LIN7A: variants seen among roughly 807,000 people sequenced by gnomAD.
The protein encoded by LIN7A is protein lin-7 homolog A.
LIN7A carries 25 observed loss-of-function variants against 29.8 expected under a neutral mutation model. That is an observed-to-expected ratio of 0.84 (90% CI 0.61 to 1.17). LIN7A has a LOEUF of 1.17. Among genes scored for constraint, LIN7A ranks in the 50% most tolerant of loss-of-function variants. The pLI, the probability that LIN7A is intolerant of heterozygous loss-of-function variation, is 0.00. For synonymous variants in LIN7A, 118 were observed against 107.5 expected, an observed-to-expected ratio of 1.10 and a Z score of -0.60; for missense variants, 239 against 287.0, an observed-to-expected ratio of 0.83 and a Z score of 1.21.
At chr12:80,799,179 A>T (rs922796516) in intron 5 of LIN7A, among the ~76,000 whole-genome samples, 1 of 152,216 alleles carries the variant, frequency 6.6e-6, no homozygotes, top group Non-Finnish European at 1.5e-5. Flanking sequence ...TGGGCATTCA[A>T]CATGTGGGCC....
intron 4 of LIN7A, among the ~76,000 whole-genome samples, chr12:80,819,891 C>G (rs575093669): frequency 4.1e-4 from 62 of 152,324 alleles, no homozygotes; most frequent in Non-Finnish European, 7.6e-4. Context: ...CAGACAACAA[C>G]AGCAACAAAA....
intron 1 of LIN7A, among the ~76,000 whole-genome samples, chr12:80,902,143 C>T (rs1876245576): frequency 6.6e-6 from 1 of 151,088 alleles, no homozygotes; most frequent in Non-Finnish European, 1.5e-5. Flanking sequence ...TTTTGCCAGC[C>T]TTTTTGAAGA....
At chr12:80,876,130 CAG>C (rs2120538131) in intron 2 of LIN7A, among the ~76,000 whole-genome samples, 1 of 151,342 alleles carries the variant, frequency 6.6e-6, no homozygotes, top group East Asian at 1.9e-4. Context: ...GAGAGAGTGA[CAG>C]AAACAAATTG....
At chr12:80,929,698 A>G (rs1376258516) in intron 1 of LIN7A, among the ~76,000 whole-genome samples, 1 of 152,034 alleles carries the variant, frequency 6.6e-6, no homozygotes, top group Non-Finnish European at 1.5e-5. Context: ...AAGTGCCAAT[A>G]TCTCATTCTT....
chr12:80,840,094 C>T (rs1328140114), intron 4 of LIN7A, among the ~76,000 whole-genome samples: 2 of 152,034 alleles, frequency 1.3e-5, no homozygotes, highest in African/African-American at 4.8e-5. Context: ...TCCTCACCTG[C>T]CTCTCTCCCA....
intron 1 of LIN7A, among the ~76,000 whole-genome samples, chr12:80,905,053 G>A (rs1876403721): frequency 6.6e-6 from 1 of 152,034 alleles, no homozygotes; most frequent in African/African-American, 2.4e-5. Context: ...CTGTGTGTGT[G>A]TGTGTCTTTT....
At chr12:80,876,517 C>T (rs1258888434) in intron 2 of LIN7A, among the ~76,000 whole-genome samples, 1 of 151,870 alleles carries the variant, frequency 6.6e-6, no homozygotes, top group Admixed American at 6.6e-5. Flanking sequence ...TATAAACCAC[C>T]CCAAAAAAAC....
At chr12:80,924,738 A>G (rs569359846) in intron 1 of LIN7A, among the ~76,000 whole-genome samples, 14 of 152,300 alleles carry the variant, frequency 9.2e-5, no homozygotes, top group Non-Finnish European at 1.6e-4. Flanking sequence ...TCTTGGTTAT[A>G]TTTACCCCAG....
chr12:80,807,066 T>TTTTTTTTGTTTTTTTTTTTTTG (rs1565883739), intron 5 of LIN7A, among the ~76,000 whole-genome samples: 1 of 50,140 alleles, frequency 2.0e-5, no homozygotes, highest in Admixed American at 2.2e-4. Context: ...AGATGGAGTT[T>TTTTTTTTGTTTTTTTTTTTTTG]TTTTTTTTTT....
Position 80,879,025 on chromosome 12 carries a change from A to C in LIN7A, c.201+10226T>G, listed in dbSNP as rs370316070. On this transcript the variant is annotated intron_variant, in intron 2 of 5. Coordinates refer to ENST00000552864, the MANE Select transcript of LIN7A (RefSeq NM_004664.4). ...TAGTATTATTTTTATCAATTTAAAA[A>C]TCTTCATAGTACTTGTCTTTCTTAC... Among the ~76,000 whole-genome samples, 12 of 152,342 alleles carry C rather than the reference A, an allele frequency of 7.9e-5. No individual in the cohort carries two copies. In the East Asian group the frequency reaches 1.9e-3, roughly 25 times the overall value.
chr12:80,852,375 G>T (rs1873377118), intron 2 of LIN7A, among the ~76,000 whole-genome samples: 1 of 152,058 alleles, frequency 6.6e-6, no homozygotes, highest in Non-Finnish European at 1.5e-5. Flanking sequence ...AGAAAGCTAG[G>T]TAAGGGATGA....
At chr12:80,840,079 C>G (rs187765228) in intron 4 of LIN7A, among the ~76,000 whole-genome samples, 2 of 151,988 alleles carry the variant, frequency 1.3e-5, no homozygotes, top group Non-Finnish European at 2.9e-5. Context: ...CCTTTTCTTT[C>G]CTGTTCCTCA....
At chr12:80,863,702 T>C (rs966198738) in intron 2 of LIN7A, among the ~76,000 whole-genome samples, 7 of 152,176 alleles carry the variant, frequency 4.6e-5, no homozygotes, top group African/African-American at 1.7e-4. Flanking sequence ...CCTCTTAACA[T>C]AGAAAAATTA....
intron 1 of LIN7A, among the ~76,000 whole-genome samples, chr12:80,907,053 C>CTG (rs1491359652): frequency 0.1 from 13,420 of 132,828 alleles, 897 homozygotes; most frequent in Non-Finnish European, 0.13. Flanking sequence ...AGAGTGCGTG[C>CTG]TCTGTGTGTG....
At chr12:80,845,142 C>G (rs1873005363) in intron 4 of LIN7A, among the ~76,000 whole-genome samples, 1 of 150,334 alleles carries the variant, frequency 6.7e-6, no homozygotes, top group Admixed American at 6.7e-5. Context: ...GAGGCTGAGG[C>G]AGCAGAATGG....
intron 4 of LIN7A, among the ~76,000 whole-genome samples, chr12:80,826,568 C>A (rs992510875): frequency 6.6e-6 from 1 of 152,032 alleles, no homozygotes; most frequent in East Asian, 1.9e-4. Context: ...TGTGGCTCAG[C>A]CTAGAGTGCG....
intron 1 of LIN7A, among the ~76,000 whole-genome samples, chr12:80,935,522 T>G (rs958240224): frequency 2.6e-5 from 4 of 152,214 alleles, no homozygotes; most frequent in Non-Finnish European, 4.4e-5. Context: ...GACCCAGATA[T>G]GTAATACTGG....
intron 2 of LIN7A, among the ~76,000 whole-genome samples, chr12:80,876,611 C>T (rs1874715194): frequency 1.3e-5 from 2 of 152,212 alleles, no homozygotes; most frequent in East Asian, 1.9e-4. Flanking sequence ...AAAAGAAACA[C>T]ATATGGCCAA....
intron 2 of LIN7A, among the ~76,000 whole-genome samples, chr12:80,869,163 T>C (rs999863618): frequency 6.7e-6 from 1 of 149,130 alleles, no homozygotes; most frequent in Non-Finnish European, 1.5e-5. Context: ...TATATATATA[T>C]ATATTTATGT....
Sources: gnomAD v4.1 joint callset for allele counts (sites outside exome capture counted in the v4.1 genomes callset) on GRCh38, gnomAD v4.1.1 for gene constraint, MANE v1.5 for transcripts, NCBI Gene and HGNC (gene_info 2026-07-23, HGNC 2026-07-21) for gene names.